SYNE2: variants seen among roughly 807,000 people sequenced by gnomAD.
The protein encoded by SYNE2 is nesprin-2.
A neutral mutation model predicts 856.3 loss-of-function variants in SYNE2; 431 were observed. The ratio of observed to expected loss-of-function variants is 0.50; its 90% CI spans 0.47 to 0.55. The LOEUF is 0.55. SYNE2 is among the 20% of genes least tolerant of loss of function. The probability of loss-of-function intolerance (pLI) is 0.00; values close to 1 mark genes in which losing one functional copy is unlikely to be tolerated. For synonymous variants in SYNE2, 2,923 were observed against 2,872.3 expected (o/e 1.02, Z -0.56); for missense variants, 8,129 against 8,023.2 (o/e 1.01, Z -0.50).
At chr14:64,180,505 CTTTT>C (rs111332955) in intron 96 of SYNE2, among the ~76,000 whole-genome samples, 1 of 142,598 alleles carries the variant, frequency 7.0e-6, no homozygotes. Context: ...TGGTTTATAA[CTTTT>C]TTTTTTTTTT....
intron 1 of SYNE2, among the ~76,000 whole-genome samples, chr14:63,876,106 C>T (rs2094708955): frequency 6.6e-6 from 1 of 152,098 alleles, no homozygotes; most frequent in Non-Finnish European, 1.5e-5. Context: ...ATGGATTGAG[C>T]TAGTTGTTTA....
intron 1 of SYNE2, among the ~76,000 whole-genome samples, chr14:63,774,005 C>T (rs984621406): frequency 6.6e-6 from 1 of 152,158 alleles, no homozygotes; most frequent in Non-Finnish European, 1.5e-5. Context: ...TCAAGTGTCA[C>T]TAGAAGACGT....
intron 84 of SYNE2, among the ~76,000 whole-genome samples, chr14:64,150,007 C>CTTTTTTTTTTTTTTTTTT (rs755126549): frequency 2.1e-5 from 2 of 94,416 alleles, no homozygotes; most frequent in Non-Finnish European, 4.0e-5. Context: ...TTTTTCTTTT[C>CTTTTTTTTTTTTTTTTTT]TTTTTTTTTT....
rs369096632 is a variant in SYNE2, at chr14:64,220,424, C to G, written c.19861-13C>G. 7.0e-4 allele frequency: 1,122 copies of G among 1,613,964 alleles called. 2 individuals carry two copies. The highest frequency in any genetic ancestry group is 8.4e-4 in the Non-Finnish European group (992 of 1,179,902). ...TTCAGAGCTCCTAACCTCATCTTTT[C>G]TCTCTCTGGTAGGAGATACTGAAAG... On this transcript the variant is annotated splice_polypyrimidine_tract_variant and intron_variant, in intron 110 of 115. Coordinates refer to ENST00000555002, the MANE Select transcript of SYNE2 (RefSeq NM_182914.3).
chr14:63,979,107 G>T lies in SYNE2; in HGVS notation c.1569+93G>T, dbSNP rs970781450. ...TGGCATGATTTCCCATTAACTCTTC[G>T]GGTTTTGAGATGGGTTTTCTTGGTA... is the stretch of plus-strand genomic sequence containing the variant. On this transcript the variant is annotated intron_variant, in intron 14 of 115. Coordinates refer to ENST00000555002, the MANE Select transcript of SYNE2 (RefSeq NM_182914.3). 5.3e-6 allele frequency: 7 copies of T among 1,325,750 alleles called. No individual in the cohort carries two copies. In the African/African-American group the frequency reaches 1.0e-4, roughly 19 times the overall value. 82.1% of individuals were successfully genotyped at this position (1,325,750 alleles called of 1,614,324 possible). A position where few individuals can be genotyped will look rare whatever the true frequency, so the allele number is the denominator to read the frequency against.
rs1272258147 is a variant in SYNE2, at chr14:64,100,547, T to TAGATATATAG, written c.12382-1384_12382-1383insGATATATAGA. ...AAAAAAAAAAATATATATATATATA[T>TAGATATATAG]ATATATATATATATATATATATATT... On this transcript the variant is annotated intron_variant, in intron 63 of 115. Coordinates refer to ENST00000555002, the MANE Select transcript of SYNE2 (RefSeq NM_182914.3). 8.2e-3 allele frequency among the ~76,000 whole-genome samples: 702 copies of TAGATATATAG among 85,584 alleles called. 49 individuals carry two copies. The East Asian group carries it at 0.084, about 10-fold the overall frequency. The allele number at this position is 85,584 out of a possible 152,430, so 56.1% of individuals were successfully genotyped here. A position where few individuals can be genotyped will look rare whatever the true frequency, so the allele number is the denominator to read the frequency against.
intron 1 of SYNE2, among the ~76,000 whole-genome samples, chr14:63,845,241 C>A (rs2139940645): frequency 6.6e-6 from 1 of 152,012 alleles, no homozygotes; most frequent in East Asian, 1.9e-4. Context: ...AATGGTGAAA[C>A]CTCGTCTCTA....
chr14:64,128,331 C>G (rs2097971223), intron 73 of SYNE2, 121 bp from the exon 74 acceptor site: 2 of 660,144 alleles, frequency 3.0e-6, no homozygotes, highest in Non-Finnish European at 5.5e-6. Context: ...ATGGGGATTT[C>G]TCTATTTTTG....
intron 70 of SYNE2, among the ~76,000 whole-genome samples, chr14:64,124,392 T>G (rs1485489035): frequency 6.6e-6 from 1 of 151,126 alleles, no homozygotes; most frequent in East Asian, 1.9e-4. Context: ...TTTTTTTTTT[T>G]TTTGCAGAGA....
At chr14:64,057,761 T>A (rs1021035870) in intron 49 of SYNE2, among the ~76,000 whole-genome samples, 42 of 152,348 alleles carry the variant, frequency 2.8e-4, no homozygotes, top group African/African-American at 9.9e-4. Context: ...TGCTGTTTTC[T>A]CCACATCCTT....
intron 58 of SYNE2, among the ~76,000 whole-genome samples, chr14:64,089,035 A>G (rs1211787900): frequency 6.6e-6 from 1 of 152,168 alleles, no homozygotes; most frequent in Non-Finnish European, 1.5e-5. Flanking sequence ...CACTATAAAC[A>G]GCTATTGTAC....
chr14:63,952,668 T>G (rs1219639785), intron 7 of SYNE2, among the ~76,000 whole-genome samples: 1 of 152,240 alleles, frequency 6.6e-6, no homozygotes, highest in Admixed American at 6.5e-5. Context: ...GAATTTTTTT[T>G]AAAGCATTTA....
intron 51 of SYNE2, among the ~76,000 whole-genome samples, chr14:64,069,193 C>A (rs1157729732): frequency 2.0e-5 from 3 of 152,074 alleles, no homozygotes; most frequent in African/African-American, 7.3e-5. Flanking sequence ...TTTTTTCAAC[C>A]CTGATGCACA....
chr14:63,960,937 A>T, intron 8 of SYNE2: 1 of 549,914 alleles, frequency 1.8e-6, no homozygotes, highest in Non-Finnish European at 3.3e-6. Context: ...TGTTTAATTC[A>T]GCATTTTACA....
chr14:63,841,264 C>T (rs1344326215), intron 1 of SYNE2, among the ~76,000 whole-genome samples: 1 of 152,046 alleles, frequency 6.6e-6, no homozygotes, highest in Non-Finnish European at 1.5e-5. Flanking sequence ...GATGTTGGAA[C>T]TTCTGGAAAG....
intron 70 of SYNE2, among the ~76,000 whole-genome samples, chr14:64,123,177 C>T (rs548565946): frequency 1.1e-4 from 17 of 152,248 alleles, no homozygotes; most frequent in African/African-American, 4.1e-4. Flanking sequence ...TCTTTGGAAT[C>T]TACCATGTGC....
At chr14:63,766,081 ATTT>A (rs543776173) in intron 1 of SYNE2, among the ~76,000 whole-genome samples, 307 of 138,624 alleles carry the variant, frequency 2.2e-3, no homozygotes, top group South Asian at 4.0e-3. Context: ...TCTTGAGTGG[ATTT>A]TTTTTTTTTT....
Position 64,205,380 on chromosome 14 carries a change from G to A in SYNE2, c.18201+2417G>A, listed in dbSNP as rs746115981. On this transcript the variant is annotated intron_variant, in intron 100 of 115. Coordinates refer to ENST00000555002, the MANE Select transcript of SYNE2 (RefSeq NM_182914.3). ...CTGGAAACAAATGTGTCACACAAAA[G>A]AATTATGTATGGGCCACTTTTTAAA... 5.9e-5 allele frequency among the ~76,000 whole-genome samples: 9 copies of A among 152,238 alleles called. No individual in the cohort carries two copies. The South Asian group carries it at 1.9e-3, about 32-fold the overall frequency.
At chr14:63,859,208 G>A (rs1044105610) in intron 1 of SYNE2, among the ~76,000 whole-genome samples, 2 of 152,226 alleles carry the variant, frequency 1.3e-5, no homozygotes, top group African/African-American at 4.8e-5. Flanking sequence ...CAAAGTGTTA[G>A]TAGTGCCAGG....
Sources: gnomAD v4.1 joint callset for allele counts (sites outside exome capture counted in the v4.1 genomes callset) on GRCh38, gnomAD v4.1.1 for gene constraint, MANE v1.5 for transcripts, NCBI Gene and HGNC (gene_info 2026-07-23, HGNC 2026-07-21) for gene names.